The following MTA3 variants were observed in gnomAD, a reference collection of about 807,000 sequenced individuals.
The protein encoded by MTA3 is metastasis-associated protein MTA3.
A neutral mutation model predicts 83.5 loss-of-function variants in MTA3; 34 were observed. The observed-to-expected ratio is 0.41, with a 90% CI of 0.31 to 0.54. The LOEUF (loss-of-function observed/expected upper bound fraction) is 0.54, where lower values mean the gene tolerates loss of function less well. Ranked by LOEUF, MTA3 falls within the 20% of genes least tolerant of loss-of-function variation. The pLI is 0.33. For missense variants in MTA3, 761 were observed against 726.4 expected (o/e 1.05, Z -0.55); for synonymous variants, 303 against 252.7 (o/e 1.20, Z -1.89).
chr2:42,549,546 T>C (rs1201983851), intron 2 of MTA3, among the ~76,000 whole-genome samples: 3 of 112,142 alleles, frequency 2.7e-5, no homozygotes, highest in Non-Finnish European at 4.9e-5. Flanking sequence ...ATATATTACA[T>C]AATATATATT....
Position 42,753,490 on chromosome 2 carries a change from C to T in MTA3, c.*91C>T, listed in dbSNP as rs1670033511. On this transcript the variant is annotated 3_prime_UTR_variant, in exon 17 of 17. Coordinates refer to ENST00000405094, the MANE Select transcript of MTA3 (RefSeq NM_001330442.2). ...CCTGGGAAGAAGGCAGCCCCACTCCCAGTACATTTCAGTGGGAGACCTCTG... is the reference window on the plus strand; with the variant it reads ...CCTGGGAAGAAGGCAGCCCCACTCCTAGTACATTTCAGTGGGAGACCTCTG... 1 of 1,543,302 alleles carries T rather than the reference C, an allele frequency of 6.5e-7. No homozygotes were observed. The highest frequency in any genetic ancestry group is 2.5e-5 in the East Asian group (1 of 40,780).
chr2:42,670,744 C>CTATA (rs34128430), intron 8 of MTA3, among the ~76,000 whole-genome samples: 10,279 of 145,906 alleles, frequency 0.07, 400 homozygotes, highest in Middle Eastern at 0.12. Context: ...AACTCTAACA[C>CTATA]TATATATATA....
chr2:42,737,568 TC>T (rs1335319727), intron 16 of MTA3, among the ~76,000 whole-genome samples: 13 of 152,192 alleles, frequency 8.5e-5, no homozygotes, highest in Admixed American at 8.5e-4. Flanking sequence ...TGTAGCTAGT[TC>T]TTCAATTTGG....
At chr2:42,696,584 TA>T (rs1273174940) in intron 10 of MTA3, among the ~76,000 whole-genome samples, 6 of 150,438 alleles carry the variant, frequency 4.0e-5, no homozygotes, top group African/African-American at 7.5e-5. Context: ...TTAGATGCTA[TA>T]AAAAAATTTT....
intron 7 of MTA3, 112 bp downstream of exon 7, chr2:42,656,414 AT>A: frequency 7.1e-6 from 4 of 565,732 alleles, no homozygotes; most frequent in South Asian, 3.8e-5. Context: ...TGATTGTATT[AT>A]TTTTTTAGTT....
intron 6 of MTA3, among the ~76,000 whole-genome samples, chr2:42,646,654 A>C (rs573671322): frequency 1.3e-5 from 2 of 152,268 alleles, no homozygotes; most frequent in African/African-American, 4.8e-5. Context: ...GATGTGACTG[A>C]CTGAATTGCT....
chr2:42,577,559 C>T (rs1034640741), intron 2 of MTA3, among the ~76,000 whole-genome samples: 6 of 151,368 alleles, frequency 4.0e-5, no homozygotes, highest in Non-Finnish European at 7.4e-5. Context: ...TGGCTCACTG[C>T]AACCTCCACC....
intron 4 of MTA3, among the ~76,000 whole-genome samples, chr2:42,612,889 A>G (rs1195191757): frequency 1.3e-5 from 2 of 152,140 alleles, no homozygotes; most frequent in African/African-American, 2.4e-5. Flanking sequence ...TAAATAATGA[A>G]AAAGAAGTTA....
Position 42,644,257 on chromosome 2 carries a change from G to A in MTA3, c.499+13G>A, listed in dbSNP as rs766455784. The A allele has an allele frequency of 7.7e-6, 12 of 1,562,674 alleles. No individual in the cohort carries two copies. The highest frequency in any genetic ancestry group is 7.0e-5 in the Admixed American group (4 of 57,274). ...ATGCTGTTAGAAGGTACGTTTTTCT[G>A]CGTGTTTGCAGTTTTGTGAAACAAA... On this transcript the variant is annotated intron_variant, in intron 6 of 16. Coordinates refer to ENST00000405094, the MANE Select transcript of MTA3 (RefSeq NM_001330442.2).
chr2:42,532,851 TG>T, intron 2 of MTA3: 1 of 382,384 alleles, frequency 2.6e-6, no homozygotes, highest in Non-Finnish European at 5.1e-6. Flanking sequence ...TGGAGCTGGC[TG>T]GCACTTCAGT....
At chr2:42,527,705 G>A (rs1675779526) in intron 2 of MTA3, among the ~76,000 whole-genome samples, 1 of 151,794 alleles carries the variant, frequency 6.6e-6, no homozygotes, top group Non-Finnish European at 1.5e-5. Context: ...AGAAAAAGCA[G>A]GAGTATCAGG....
intron 2 of MTA3, among the ~76,000 whole-genome samples, chr2:42,525,475 A>ATTCCTTCCTTCCTTCCTTCCTTCCTTCT (rs1675647708): frequency 1.0e-4 from 14 of 135,594 alleles, no homozygotes; most frequent in African/African-American, 3.4e-4. Flanking sequence ...GCTAGGATCA[A>ATTCCTTCCTTCCTTCCTTCCTTCCTTCT]TTCCTTCCTT....
intron 16 of MTA3, among the ~76,000 whole-genome samples, chr2:42,730,739 C>A (rs897295171): frequency 4.6e-5 from 7 of 152,266 alleles, no homozygotes; most frequent in African/African-American, 1.7e-4. Flanking sequence ...GGAAATATTT[C>A]TTTCTCCTTT....
chr2:42,749,634 A>G (rs1669714669), intron 16 of MTA3, among the ~76,000 whole-genome samples: 1 of 151,508 alleles, frequency 6.6e-6, no homozygotes, highest in East Asian at 2.0e-4. Context: ...TGCCTGGCTA[A>G]TTTTTGTAGT....
chr2:42,706,614 G>C (rs1168777234), intron 12 of MTA3, among the ~76,000 whole-genome samples: 1 of 152,204 alleles, frequency 6.6e-6, no homozygotes, highest in Non-Finnish European at 1.5e-5. Context: ...CAAACTTACA[G>C]AATTACAATT....
chr2:42,495,445 A>G (rs180980555), intron 2 of MTA3, among the ~76,000 whole-genome samples: 1 of 152,270 alleles, frequency 6.6e-6, no homozygotes, highest in Non-Finnish European at 1.5e-5. Flanking sequence ...CTATTTTGCT[A>G]TTTAGTGTCT....
chr2:42,579,243 T>G lies in MTA3; in HGVS notation c.190+43T>G, dbSNP rs753730877. The G allele has an allele frequency of 4.2e-6, 6 of 1,414,988 alleles. No homozygotes were observed. In the East Asian group the frequency reaches 1.2e-4, roughly 29 times the overall value. The allele number at this position is 1,414,988 out of a possible 1,614,324, so 87.7% of individuals were successfully genotyped here. On this transcript the variant is annotated intron_variant, in intron 3 of 16. Transcript: ENST00000405094. Reference sequence around the variant, plus strand: ...GATTAAAAAAACGTTTTAAGTCTTGTGTTTTTTGTGATGAGGTGGAAACAT... The same window carrying G: ...GATTAAAAAAACGTTTTAAGTCTTGGGTTTTTTGTGATGAGGTGGAAACAT...
rs553210435 is a variant in MTA3, at chr2:42,754,557, G to A, written c.*1158G>A. The A allele has an allele frequency of 8.3e-5, 82 of 985,340 alleles. No individual in the cohort carries two copies. The highest frequency in any genetic ancestry group is 5.2e-4 in the Middle Eastern group (1 of 1,936). 61.0% of individuals were successfully genotyped at this position (985,340 alleles called of 1,614,324 possible). A position where few individuals can be genotyped will look rare whatever the true frequency, so the allele number is the denominator to read the frequency against. ...TGCTACTTGTGCTGGCAGCTGCAAG[G>A]ATAGGAATAGCTCAGCGCCCGATGA... On this transcript the variant is annotated 3_prime_UTR_variant, in exon 17 of 17. Transcript: ENST00000405094.
chr2:42,715,643 C>T (rs1243291175), intron 14 of MTA3, among the ~76,000 whole-genome samples: 2 of 152,100 alleles, frequency 1.3e-5, no homozygotes, highest in Non-Finnish European at 2.9e-5. Context: ...TCACTTAGAA[C>T]ATCATATAAT....
Sources: allele counts gnomAD v4.1 joint callset (sites outside exome capture counted in the v4.1 genomes callset), GRCh38; gene constraint gnomAD v4.1.1; transcripts MANE v1.5; gene names NCBI Gene and HGNC (gene_info 2026-07-23, HGNC 2026-07-21).